Variants in SNED1 observed in about 807,000 individuals in gnomAD.
SNED1 encodes the protein sushi, nidogen and EGF like domains 1.
A neutral mutation model predicts 166.7 loss-of-function variants in SNED1; 81 were observed. That is an observed-to-expected ratio of 0.49 (90% CI 0.41 to 0.58). SNED1 has a LOEUF of 0.58. SNED1 is among the 20% of genes least tolerant of loss of function. The pLI is 0.00. For synonymous variants in SNED1, 762 were observed against 822.0 expected, an observed-to-expected ratio of 0.93 and a Z score of 1.25; for missense variants, 1,604 against 2,000.2, an observed-to-expected ratio of 0.80 and a Z score of 3.78.
chr2:241,045,311 A>G (rs1412582118), intron 8 of SNED1, among the ~76,000 whole-genome samples: 1 of 152,210 alleles, frequency 6.6e-6, no homozygotes, highest in Non-Finnish European at 1.5e-5. Flanking sequence ...TGCTTCTAAA[A>G]TTTATATGGC....
In SNED1 at chr2:240,999,099, G is replaced by GC; in HGVS notation, c.213+53dup. On this transcript the variant is annotated intron_variant, in intron 1 of 31. Transcript: ENST00000310397. This position sits in a 1 kb window ranked among gnomAD's most constrained non-coding sequence, Gnocchi z 5.8. ...GGCGCCCGGGAGGGGAGGGAGCTGCGCCCCGGCCGCTGCCCGCCGGGCCCG... is the reference window on the plus strand; with the variant it reads ...GGCGCCCGGGAGGGGAGGGAGCTGCGCCCCCGGCCGCTGCCCGCCGGGCCCG... 8.8e-7 allele frequency: 1 copy of GC among 1,134,972 alleles called. No homozygotes were observed. The highest frequency in any genetic ancestry group is 3.4e-5 in the South Asian group (1 of 29,262). 70.3% of individuals were successfully genotyped at this position (1,134,972 alleles called of 1,614,324 possible).
rs542417362 is a variant in SNED1 at position 241,037,125 on chromosome 2, C to G, written c.932-115C>G. ...CATGGGCGGGTGCAGTTGCTGCCCTCTCTGAGCCAATCTCGGGCTTGCTCC... is the reference window on the plus strand; with the variant it reads ...CATGGGCGGGTGCAGTTGCTGCCCTGTCTGAGCCAATCTCGGGCTTGCTCC... On this transcript the variant is annotated intron_variant, in intron 5 of 31. Transcript: ENST00000310397. The G allele has an allele frequency of 4.7e-6, 5 of 1,069,800 alleles. No homozygotes were observed. In the South Asian group the frequency reaches 7.5e-5, roughly 16 times the overall value. The allele number at this position is 1,069,800 out of a possible 1,614,324, so 66.3% of individuals were successfully genotyped here. A position where few individuals can be genotyped will look rare whatever the true frequency, so the allele number is the denominator to read the frequency against.
At chr2:241,046,555 T>G (rs1434925397) in intron 8 of SNED1, among the ~76,000 whole-genome samples, 1 of 152,152 alleles carries the variant, frequency 6.6e-6, no homozygotes, top group African/African-American at 2.4e-5. Flanking sequence ...GTCTCAAAGA[T>G]TATATCCTGT....
chr2:241,073,489 G>A lies in SNED1; in HGVS notation c.3916+125G>A, dbSNP rs75096118. The A allele has an allele frequency of 0.012, 9,418 of 796,178 alleles. 474 individuals carry two copies. The East Asian group carries it at 0.13, about 11-fold the overall frequency. The allele number at this position is 796,178 out of a possible 1,614,324, so 49.3% of individuals were successfully genotyped here. A position where few individuals can be genotyped will look rare whatever the true frequency, so the allele number is the denominator to read the frequency against. On this transcript the variant is annotated intron_variant, in intron 27 of 31. Transcript: ENST00000310397. This position sits in a 1 kb window ranked among gnomAD's most constrained non-coding sequence, Gnocchi z 6.6. ...GAGGCACAGAGCCTACCTGAGGGGA[G>A]GCTGAGCACCAGGCACCCCGGTGTG... is the stretch of plus-strand genomic sequence containing the variant.
intron 29 of SNED1, among the ~76,000 whole-genome samples, chr2:241,086,032 T>A (rs1327032323): frequency 6.6e-6 from 1 of 152,092 alleles, no homozygotes; most frequent in Non-Finnish European, 1.5e-5. Flanking sequence ...CATGCCCAGC[T>A]AATTTTTGTA....
intron 16 of SNED1, among the ~76,000 whole-genome samples, 161 bp from the exon 17 acceptor site, chr2:241,062,630 C>A (rs2062275244): frequency 6.6e-6 from 1 of 152,238 alleles, no homozygotes; most frequent in Non-Finnish European, 1.5e-5. Flanking sequence ...GGCCCACTGC[C>A]CTGCCCCGAC....
chr2:241,006,909 G>A (rs1426537907), intron 1 of SNED1, among the ~76,000 whole-genome samples: 1 of 152,240 alleles, frequency 6.6e-6, no homozygotes, highest in Non-Finnish European at 1.5e-5. Flanking sequence ...ACTAGGAGAA[G>A]GATGGAGATG....
At chr2:241,024,580 G>C (rs891813623) in intron 1 of SNED1, among the ~76,000 whole-genome samples, 2 of 151,054 alleles carry the variant, frequency 1.3e-5, no homozygotes, top group African/African-American at 4.9e-5. Context: ...ATTTCCCACT[G>C]TTTTATATTT....
chr2:241,088,483 G>A (rs554745275), intron 31 of SNED1, 81 bp downstream of exon 31: 3 of 1,150,096 alleles, frequency 2.6e-6, no homozygotes, highest in African/African-American at 3.0e-5. Context: ...GGATCTCAGA[G>A]TGCCGCTGCC....
chr2:241,057,715 C>T (rs554726008), intron 16 of SNED1, among the ~76,000 whole-genome samples: 24 of 152,054 alleles, frequency 1.6e-4, no homozygotes, highest in African/African-American at 5.5e-4. Flanking sequence ...AAACTTAATA[C>T]CTAAATATCT....
At chr2:241,089,188 C>T in intron 31 of SNED1, 1 of 1,083,744 alleles carries the variant, frequency 9.2e-7, no homozygotes, top group East Asian at 2.6e-5. Context: ...TCATACTGAC[C>T]ATCATTTTTT....
intron 16 of SNED1, among the ~76,000 whole-genome samples, chr2:241,057,688 A>G (rs548180832): frequency 6.6e-6 from 1 of 152,190 alleles, no homozygotes; most frequent in South Asian, 2.1e-4. Flanking sequence ...TCTCTAAAAA[A>G]TTAAAAATTA....
In SNED1 at chr2:241,049,944, C is replaced by T; in HGVS notation, c.1735+11C>T. ...AGCACTGCGAGAAAGGTATGGCGGGCAGGGGCGTCCGGGCCGGCGTCAGCA... is the reference window on the plus strand; with the variant it reads ...AGCACTGCGAGAAAGGTATGGCGGGTAGGGGCGTCCGGGCCGGCGTCAGCA... On this transcript the variant is annotated intron_variant, in intron 12 of 31. Transcript: ENST00000310397. The T allele has an allele frequency of 6.2e-7, 1 of 1,604,976 alleles. No homozygotes were observed. Among genetic ancestry groups the T allele is most frequent in the South Asian group, 1.1e-5 (1 of 90,924 alleles).
Position 241,048,199 on chromosome 2 carries a change from T to C in SNED1, c.1274-116T>C, listed in dbSNP as rs1360758317. 30 of 1,258,758 alleles carry C rather than the reference T, an allele frequency of 2.4e-5. 1 individual carries two copies. Among genetic ancestry groups the C allele is most frequent in the Non-Finnish European group, 3.2e-5 (30 of 938,264 alleles). The allele number at this position is 1,258,758 out of a possible 1,614,324, so 78.0% of individuals were successfully genotyped here. A position where few individuals can be genotyped will look rare whatever the true frequency, so the allele number is the denominator to read the frequency against. The stretch of plus-strand genomic sequence containing the variant: ...CCAGAAATAAGCTTCTGGCTTAAAT[T>C]CCACTTGGGAATGACAACAGAGGTG... On this transcript the variant is annotated intron_variant, in intron 8 of 31. Transcript: ENST00000310397.
rs1220033893 is a variant in SNED1 at position 241,051,726 on chromosome 2, C to T, written c.1736-18C>T. 3 of 1,464,604 alleles carry T rather than the reference C, an allele frequency of 2.0e-6. No individual in the cohort carries two copies. Among genetic ancestry groups the T allele is most frequent in the Admixed American group, 2.6e-5 (1 of 38,074 alleles). The allele number at this position is 1,464,604 out of a possible 1,614,324, so 90.7% of individuals were successfully genotyped here. A position where few individuals can be genotyped will look rare whatever the true frequency, so the allele number is the denominator to read the frequency against. ...GCAGCCTGGCCCCGTTCATCTGCCT[C>T]TCTGTCCTTCCACACAGCCCGGCCA... On this transcript the variant is annotated intron_variant, in intron 12 of 31. Coordinates refer to ENST00000310397, the MANE Select transcript of SNED1 (RefSeq NM_001080437.3). This position sits in a 1 kb window ranked among gnomAD's most constrained non-coding sequence, Gnocchi z 4.7.
At chr2:241,034,525 T>A in intron 3 of SNED1, 43 bp from the exon 4 acceptor site, 1 of 1,542,988 alleles carries the variant, frequency 6.5e-7, no homozygotes, top group Non-Finnish European at 8.8e-7. Flanking sequence ...TCTGTAGACC[T>A]GGGGAACTGG....
At chr2:241,001,558 C>T (rs376444793) in intron 1 of SNED1, among the ~76,000 whole-genome samples, 1 of 152,344 alleles carries the variant, frequency 6.6e-6, no homozygotes, top group East Asian at 1.9e-4. Flanking sequence ...CGTGGCGCGC[C>T]GAGGAGTGTG....
intron 1 of SNED1, among the ~76,000 whole-genome samples, chr2:241,023,060 G>C (rs2060817022): frequency 6.6e-6 from 1 of 151,836 alleles, no homozygotes; most frequent in Non-Finnish European, 1.5e-5. Context: ...ATTAACTTCT[G>C]CTCTTAATTT....
chr2:241,017,808 C>T (rs976120691), intron 1 of SNED1, among the ~76,000 whole-genome samples: 1 of 152,172 alleles, frequency 6.6e-6, no homozygotes, highest in African/African-American at 2.4e-5. Context: ...TGCAGAGCCC[C>T]GTAGGTCTAA....
Sources: allele counts gnomAD v4.1 joint callset (sites outside exome capture counted in the v4.1 genomes callset), GRCh38; gene constraint gnomAD v4.1.1; non-coding constraint Gnocchi (gnomAD v3.1); transcripts MANE v1.5; gene names NCBI Gene and HGNC (gene_info 2026-07-23, HGNC 2026-07-21).